RAD17: variants seen among roughly 807,000 people sequenced by gnomAD.
RAD17 encodes cell cycle checkpoint protein RAD17.
A neutral mutation model predicts 81.5 loss-of-function variants in RAD17; 31 were observed. That is an observed-to-expected ratio of 0.38 (90% confidence interval 0.29 to 0.51). The LOEUF (loss-of-function observed/expected upper bound fraction) is 0.51. Among genes scored for constraint, RAD17 ranks in the 20% least tolerant of loss-of-function variants. RAD17 has a pLI of 0.88. For missense variants in RAD17, 681 were observed against 781.2 expected (o/e 0.87, Z 1.53); for synonymous variants, 261 against 266.2 (o/e 0.98, Z 0.19).
intron 17 of RAD17, among the ~76,000 whole-genome samples, chr5:69,403,162 A>G (rs746844859): frequency 3.3e-5 from 5 of 152,188 alleles, no homozygotes; most frequent in Non-Finnish European, 7.3e-5. Context: ...TTGTAAAATG[A>G]TAACTCCCCA....
At chr5:69,374,831 T>A (rs141351086) in intron 6 of RAD17, 120 bp downstream of exon 6, 2 of 803,290 alleles carry the variant, frequency 2.5e-6, no homozygotes, top group East Asian at 2.8e-5. Flanking sequence ...TCTCCTGCAG[T>A]AGAAAGCTCC....
At chr5:69,372,619 A>T (rs533584653) in intron 4 of RAD17, among the ~76,000 whole-genome samples, 25 of 149,892 alleles carry the variant, frequency 1.7e-4, no homozygotes, top group South Asian at 6.4e-4. Flanking sequence ...TATTAGCAAA[A>T]TTTTTTTTTT....
At chr5:69,382,713 C>G (rs1382773272) in intron 7 of RAD17, among the ~76,000 whole-genome samples, 3 of 152,140 alleles carry the variant, frequency 2.0e-5, no homozygotes, top group African/African-American at 7.2e-5. Context: ...CCTGTTAGAA[C>G]AATATCAAAT....
intron 15 of RAD17, among the ~76,000 whole-genome samples, chr5:69,395,676 G>A (rs758080596): frequency 1.3e-4 from 20 of 151,622 alleles, no homozygotes; most frequent in Non-Finnish European, 2.1e-4. Flanking sequence ...CAGCTACTAA[G>A]TACCCACACA....
At chr5:69,397,989 C>T (rs1580416377) in intron 16 of RAD17, among the ~76,000 whole-genome samples, 2 of 152,084 alleles carry the variant, frequency 1.3e-5, no homozygotes, top group African/African-American at 4.8e-5. Flanking sequence ...TGGCGGCGTG[C>T]GCCTGTAGTC....
At chr5:69,401,990 C>T (rs1232173132) in intron 17 of RAD17, among the ~76,000 whole-genome samples, 6 of 88,336 alleles carry the variant, frequency 6.8e-5, no homozygotes, top group South Asian at 8.6e-4. Flanking sequence ...GGCAACAGAG[C>T]AAGACTCTGT....
intron 17 of RAD17, among the ~76,000 whole-genome samples, chr5:69,407,106 G>A (rs924106573): frequency 6.7e-6 from 1 of 148,384 alleles, no homozygotes. Context: ...AGGTTCAAGC[G>A]ATTCTCCTAC....
Position 69,386,075 on chromosome 5 carries a change from T to C in RAD17, c.678T>C (p.His226=). ...DLPNQFYRDS[H]TLHEVLRKYV... is the part of the protein sequence containing the mutation. The stretch of plus-strand genomic sequence containing the variant: ...CTAACCAGTTTTATCGGGATTCTCA[T>C]ACTTTACATGAAGTTCTAAGGTAGG... Residue 226 remains histidine, a synonymous_variant, in exon 9 of 19, where the codon CAT becomes CAC. Transcript: ENST00000354868. 1.2e-6 allele frequency: 2 copies of C among 1,600,904 alleles called. No homozygotes were observed. The highest frequency in any genetic ancestry group is 1.7e-6 in the Non-Finnish European group (2 of 1,174,648).
At chr5:69,379,144 A>AAG (rs1763691692) in intron 6 of RAD17, among the ~76,000 whole-genome samples, 1 of 152,220 alleles carries the variant, frequency 6.6e-6, no homozygotes, top group East Asian at 1.9e-4. Flanking sequence ...TGGGAGGCAC[A>AAG]AGAATCACTT....
Position 69,407,562 on chromosome 5 carries a change from G to GTTTTTTTTTT in RAD17, c.1694-2909_1694-2900dup, listed in dbSNP as rs550222595. Among the ~76,000 whole-genome samples the GTTTTTTTTTT allele has an allele frequency of 2.9e-4, 12 of 40,922 alleles. 4 individuals carry two copies. The highest frequency in any genetic ancestry group is 4.9e-4 in the Non-Finnish European group (12 of 24,384). The allele number at this position is 40,922 out of a possible 152,430, so 26.8% of individuals were successfully genotyped here. On this transcript the variant is annotated intron_variant, in intron 17 of 18. Coordinates refer to ENST00000354868, the MANE Select transcript of RAD17 (RefSeq NM_133338.3). ...CTTCTATATGTCAATCTATGTCCAAGTTTTTTTTTTTTTTTTTTTTTTTTT... is the reference window on the plus strand; with the variant it reads ...CTTCTATATGTCAATCTATGTCCAAGTTTTTTTTTTTTTTTTTTTTTTTTTTTTTTTTTTT...
In RAD17 at chr5:69,381,949, A is replaced by G. The variant is rs142829528; in HGVS notation, c.400A>G (p.Thr134Ala). 122 of 1,607,316 alleles carry G rather than the reference A, an allele frequency of 7.6e-5. No individual in the cohort carries two copies. In the African/African-American group the frequency reaches 1.5e-3, roughly 19 times the overall value. The change falls in exon 7 of 19, where the codon ACG becomes GCG. Residue 134 changes from threonine to alanine, a missense_variant. Coordinates refer to ENST00000354868, the MANE Select transcript of RAD17 (RefSeq NM_133338.3). ...AGGTCCTCCTGGATGTGGAAAGACA[A>G]CGACCTTAAAAATACTATCAAAGGA... Reference protein sequence around the residue: ...ITGPPGCGKTTTLKILSKEHG... With the variant: ...ITGPPGCGKTATLKILSKEHG...
rs147772575 is a variant in RAD17 at position 69,394,873 on chromosome 5, C to G, written c.1422+1373C>G. ...CTCATGAGTATGAGACCAGCTGGGG[C>G]AATGTGATGAAACCCCATCTCTACA... On this transcript the variant is annotated intron_variant, in intron 15 of 18. Coordinates refer to ENST00000354868, the MANE Select transcript of RAD17 (RefSeq NM_133338.3). Among the ~76,000 whole-genome samples, 186 of 152,148 alleles carry G rather than the reference C, an allele frequency of 1.2e-3. 1 individual carries two copies. Among genetic ancestry groups the G allele is most frequent in the African/African-American group, 4.2e-3 (173 of 41,504 alleles).
At chr5:69,380,368 ATGTTT>A (rs1763776711) in intron 6 of RAD17, among the ~76,000 whole-genome samples, 1 of 152,140 alleles carries the variant, frequency 6.6e-6, no homozygotes, top group African/African-American at 2.4e-5. Context: ...AACATGAGTG[ATGTTT>A]TGCATTATTG....
chr5:69,399,770 T>G (rs2150857646), intron 16 of RAD17, among the ~76,000 whole-genome samples: 1 of 152,322 alleles, frequency 6.6e-6, no homozygotes, highest in Non-Finnish European at 1.5e-5. Flanking sequence ...ACAATTCCTT[T>G]GAGTTTTAAA....
rs1763881936 is a variant in RAD17 at position 69,381,901 on chromosome 5, G to A, written c.352G>A (p.Gly118Ser). ...AATTCATATTTGTATTTGATTTTAGGGTGGATCTATTTTATTAATAACAGG... is the reference window on the plus strand; with the variant it reads ...AATTCATATTTGTATTTGATTTTAGAGTGGATCTATTTTATTAATAACAGG... Reference protein sequence around the residue: ...AQVLERQPKQGGSILLITGPP... With the variant: ...AQVLERQPKQSGSILLITGPP... Residue 118 changes from glycine to serine, a missense_variant and splice_region_variant, in exon 7 of 19, where the codon GGT becomes AGT. Transcript: ENST00000354868. The A allele has an allele frequency of 6.3e-7, 1 of 1,579,680 alleles. No individual in the cohort carries two copies. Among genetic ancestry groups the A allele is most frequent in the African/African-American group, 1.4e-5 (1 of 73,122 alleles).
chr5:69,411,793 C>G (rs1766021974), intron 18 of RAD17, among the ~76,000 whole-genome samples: 1 of 152,154 alleles, frequency 6.6e-6, no homozygotes, highest in African/African-American at 2.4e-5. Flanking sequence ...CCCCAACCCC[C>G]TAAGATTATG....
chr5:69,388,154 C>T (rs1467613295), intron 11 of RAD17, among the ~76,000 whole-genome samples: 6 of 152,026 alleles, frequency 3.9e-5, no homozygotes, highest in Non-Finnish European at 7.4e-5. Context: ...AAGACCAGCC[C>T]AGGTGTGATA....
At chr5:69,380,806 T>A (rs914673976) in intron 6 of RAD17, among the ~76,000 whole-genome samples, 3 of 151,596 alleles carry the variant, frequency 2.0e-5, no homozygotes, top group African/African-American at 7.3e-5. Context: ...CTTACTCTAA[T>A]GTGCAGGATG....
At chr5:69,399,420 C>T (rs534006014) in intron 16 of RAD17, among the ~76,000 whole-genome samples, 28 of 152,176 alleles carry the variant, frequency 1.8e-4, no homozygotes, top group Non-Finnish European at 3.4e-4. Context: ...TATCTGAATT[C>T]GTGACCCCTG....
Sources: gnomAD v4.1 joint callset for allele counts (sites outside exome capture counted in the v4.1 genomes callset) on GRCh38, gnomAD v4.1.1 for gene constraint, MANE v1.5 for transcripts, NCBI Gene and HGNC (gene_info 2026-07-23, HGNC 2026-07-21) for gene names.